Variants in DNMBP observed in about 807,000 individuals in gnomAD.
DNMBP encodes dynamin-binding protein.
A neutral mutation model predicts 150.0 loss-of-function variants in DNMBP; 87 were observed. The observed-to-expected ratio is 0.58, with a 90% CI of 0.49 to 0.69. The LOEUF is 0.69. DNMBP is among the 30% of genes least tolerant of loss of function. The probability of loss-of-function intolerance (pLI) is 0.00; values close to 1 mark genes in which losing one functional copy is unlikely to be tolerated. For synonymous variants in DNMBP, 711 were observed against 750.4 expected (o/e 0.95, Z 0.86); for missense variants, 1,774 against 1,949.0 (o/e 0.91, Z 1.69).
Position 99,895,707 on chromosome 10 carries a change from T to G in DNMBP, c.3051+560A>C, listed in dbSNP as rs12258033. On this transcript the variant is annotated intron_variant, in intron 10 of 16. Coordinates refer to ENST00000324109, the MANE Select transcript of DNMBP (RefSeq NM_015221.4). ...CTGTGGCATGCCTGCCCCCTTCCTA[T>G]AAGGCTCAGGTCAACATGACTCTTG... Among the ~76,000 whole-genome samples, 881 of 152,298 alleles carry G rather than the reference T, an allele frequency of 5.8e-3. 8 individuals carry two copies. Among genetic ancestry groups the G allele is most frequent in the African/African-American group, 0.02 (829 of 41,576 alleles).
rs762413097 is a variant in DNMBP, at chr10:99,888,889, T to C, written c.3221A>G (p.His1074Arg). 4 of 1,614,182 alleles carry C rather than the reference T, an allele frequency of 2.5e-6. No individual in the cohort carries two copies. Among genetic ancestry groups the C allele is most frequent in the Non-Finnish European group, 3.4e-6 (4 of 1,180,040 alleles). The change falls in exon 12 of 17, where the codon CAC becomes CGC. Residue 1074 changes from histidine (H) to arginine (R), a missense_variant. Around this residue, in one of 2 missense-constraint regions of DNMBP, gnomAD observed 1,430 missense variants for 1,492.5 expected, o/e 0.96. Transcript: ENST00000324109. ...CCTCTCAAACTGCTCCAGGTCCCGG[T>C]GTCCTCTCTCCATGCACACATCCCA... ...SMWDVCMERG[H>R]RDLEQFERVH...
intron 15 of DNMBP, among the ~76,000 whole-genome samples, chr10:99,883,678 A>AG (rs1239178122): frequency 6.8e-6 from 1 of 146,036 alleles, no homozygotes; most frequent in Non-Finnish European, 1.5e-5. Flanking sequence ...ATTTGAAAAG[A>AG]GGGCAGCTTA....
At position 99,955,447 on chromosome 10, in the gene DNMBP, T is replaced by C. The variant is rs774245672; in HGVS notation, c.2027A>G (p.Glu676Gly). The C allele has an allele frequency of 6.8e-6, 11 of 1,610,538 alleles. No homozygotes were observed. Among genetic ancestry groups the C allele is most frequent in the Admixed American group, 5.0e-5 (3 of 59,614 alleles). The stretch of plus-strand genomic sequence containing the variant: ...ACTCCTTCCCATATGACCAGGGCCC[T>C]CCTTTTCTAAGGTCTCACAGGTAGG... ...HRPTCETLEK[E>G]GPGHMGRSLD... Residue 676 changes from glutamate to glycine, a missense_variant, in exon 4 of 17, where the codon GAG becomes GGG. Around this residue, in one of 2 missense-constraint regions of DNMBP, gnomAD observed 1,430 missense variants for 1,492.5 expected, o/e 0.96. Coordinates refer to ENST00000324109, the MANE Select transcript of DNMBP (RefSeq NM_015221.4).
At chr10:99,908,831 A>T in intron 5 of DNMBP, 122 bp downstream of exon 5, 1 of 886,084 alleles carries the variant, frequency 1.1e-6, no homozygotes, top group African/African-American at 1.7e-5. Context: ...GAGCAGCAGC[A>T]CTCACAGTCA....
chr10:99,983,427 G>A (rs1000245955), intron 1 of DNMBP, among the ~76,000 whole-genome samples: 7 of 152,218 alleles, frequency 4.6e-5, no homozygotes, highest in African/African-American at 1.2e-4. Flanking sequence ...GGAAATGAGA[G>A]AAGCTAGGAA....
Position 99,908,116 on chromosome 10 carries a change from T to TA in DNMBP, c.2455-23dup, listed in dbSNP as rs764749573. ...GTACCTGAGAAAAGGAAACAAAACA[T>TA]AAAAATGCACGGAAATGAGCTTAAT... On this transcript the variant is annotated intron_variant, in intron 5 of 16. Coordinates refer to ENST00000324109, the MANE Select transcript of DNMBP (RefSeq NM_015221.4). 2.0e-6 allele frequency: 3 copies of TA among 1,537,814 alleles called. No individual in the cohort carries two copies. In the African/African-American group the frequency reaches 4.1e-5, roughly 21 times the overall value.
rs775482569 is a variant in DNMBP at position 99,969,256 on chromosome 10, A to T, written c.146-19T>A. ...AATTGTCCTGAAAATAAAAGCAAAC[A>T]TATTAAATTTTAATACTGAGATTTC... On this transcript the variant is annotated intron_variant, in intron 2 of 16. Transcript: ENST00000324109. The T allele has an allele frequency of 6.2e-7, 1 of 1,613,500 alleles. No homozygotes were observed. Among genetic ancestry groups the T allele is most frequent in the East Asian group, 2.2e-5 (1 of 44,868 alleles).
At chr10:99,900,494 A>T (rs1297081191) in intron 6 of DNMBP, among the ~76,000 whole-genome samples, 2 of 151,942 alleles carry the variant, frequency 1.3e-5, no homozygotes, top group African/African-American at 4.8e-5. Context: ...TATTTGTTTT[A>T]GAACAAACAC....
rs554661656 is a variant in DNMBP, at chr10:99,933,885, C to T, written c.2260+21329G>A. ...CGCAGCAGCTGGGACTACAGGCGCCCGCCACCATGCCCGGCTAAAGTTTTG... is the reference window on the plus strand; with the variant it reads ...CGCAGCAGCTGGGACTACAGGCGCCTGCCACCATGCCCGGCTAAAGTTTTG... On this transcript the variant is annotated intron_variant, in intron 4 of 16. Coordinates refer to ENST00000324109, the MANE Select transcript of DNMBP (RefSeq NM_015221.4). 3.3e-5 allele frequency among the ~76,000 whole-genome samples: 5 copies of T among 152,286 alleles called. No individual in the cohort carries two copies. In the East Asian group the frequency reaches 5.8e-4, roughly 18 times the overall value.
rs186943136 is a variant in DNMBP, at chr10:99,982,500, T to C, written c.-10-10366A>G. Among the ~76,000 whole-genome samples, 236 of 152,030 alleles carry C rather than the reference T, an allele frequency of 1.6e-3. 3 individuals carry two copies. Among genetic ancestry groups the C allele is most frequent in the Non-Finnish European group, 4.4e-4 (30 of 67,994 alleles). ...AAAATAAAGAATTGAGCAAAGTATA[T>C]GGAAAACTATAAAAATAGTTCCCTA... On this transcript the variant is annotated intron_variant, in intron 1 of 16. Transcript: ENST00000324109.
chr10:99,911,667 G>A lies in DNMBP; in HGVS notation c.2261-2521C>T, dbSNP rs901803481. ...GAATTTGTATAAAATGTATACAGGA[G>A]TTTTCATTGTACTATTGCAATTTTC... On this transcript the variant is annotated intron_variant, in intron 4 of 16. Coordinates refer to ENST00000324109, the MANE Select transcript of DNMBP (RefSeq NM_015221.4). 3.9e-5 allele frequency among the ~76,000 whole-genome samples: 6 copies of A among 152,110 alleles called. No homozygotes were observed. In the East Asian group the frequency reaches 7.7e-4, roughly 19 times the overall value.
intron 1 of DNMBP, among the ~76,000 whole-genome samples, chr10:99,985,344 A>T (rs561668908): frequency 2.6e-5 from 4 of 152,320 alleles, no homozygotes; most frequent in African/African-American, 9.6e-5. Flanking sequence ...AAATGTATAT[A>T]TAATTTCAAG....
At chr10:99,904,742 CCTTGTTTGA>C (rs1255521640) in intron 6 of DNMBP, among the ~76,000 whole-genome samples, 1 of 152,168 alleles carries the variant, frequency 6.6e-6, no homozygotes, top group Non-Finnish European at 1.5e-5. Context: ...CTACCCAACT[CCTTGTTTGA>C]CTTTGGACAA....
At chr10:99,883,030 G>A (rs2039394083) in intron 15 of DNMBP, among the ~76,000 whole-genome samples, 1 of 152,320 alleles carries the variant, frequency 6.6e-6, no homozygotes, top group East Asian at 1.9e-4. Context: ...CTGGGTGACA[G>A]AGCTAGACCC....
chr10:99,964,873 G>C (rs2040603767), intron 3 of DNMBP, among the ~76,000 whole-genome samples: 1 of 95,966 alleles, frequency 1.0e-5, no homozygotes, highest in African/African-American at 5.9e-5. Flanking sequence ...TCCAGCCCAA[G>C]GAAAAAAAAA....
intron 3 of DNMBP, chr10:99,958,244 G>A (rs1372351584): frequency 6.6e-6 from 1 of 152,174 alleles, no homozygotes; most frequent in African/African-American, 2.4e-5. Flanking sequence ...TGTACTCACA[G>A]TTTTTAAAAA....
At chr10:99,949,249 C>T (rs1029489345) in intron 4 of DNMBP, among the ~76,000 whole-genome samples, 7 of 152,136 alleles carry the variant, frequency 4.6e-5, no homozygotes, top group Non-Finnish European at 1.0e-4. Context: ...TGAGTCCCTA[C>T]TATGTATAGA....
chr10:99,890,363 T>C (rs2039538017), intron 11 of DNMBP, among the ~76,000 whole-genome samples: 1 of 152,228 alleles, frequency 6.6e-6, no homozygotes, highest in Non-Finnish European at 1.5e-5. Flanking sequence ...TTTTGTGGCA[T>C]GACAAAACTA....
At chr10:99,934,073 T>C (rs2040195774) in intron 4 of DNMBP, among the ~76,000 whole-genome samples, 1 of 152,076 alleles carries the variant, frequency 6.6e-6, no homozygotes, top group Non-Finnish European at 1.5e-5. Flanking sequence ...GACCAAGGGA[T>C]AGGGAATCAT....
Sources: allele counts gnomAD v4.1 joint callset (sites outside exome capture counted in the v4.1 genomes callset), GRCh38; gene constraint gnomAD v4.1.1; regional missense constraint gnomAD v4.1.1; transcripts MANE v1.5; gene names NCBI Gene and HGNC (gene_info 2026-07-23, HGNC 2026-07-21).